Variants in CDH5 observed in about 807,000 individuals in gnomAD.
The protein encoded by CDH5 is cadherin 5.
In CDH5, 28 loss-of-function variants were observed where a neutral mutation model predicts 62.0. The ratio of observed to expected loss-of-function variants is 0.45; its 90% CI spans 0.33 to 0.62. The LOEUF (loss-of-function observed/expected upper bound fraction) is 0.62. CDH5 is among the 20% of genes least tolerant of loss of function. CDH5 has a pLI of 0.02. For synonymous variants in CDH5, 464 were observed against 445.8 expected, an observed-to-expected ratio of 1.04 and a Z score of -0.52; for missense variants, 940 against 1,065.1, an observed-to-expected ratio of 0.88 and a Z score of 1.63.
chr16:66,392,286 C>T lies in CDH5; in HGVS notation c.1120C>T (p.Gln374Ter), dbSNP rs1006747876. The T allele has an allele frequency of 6.2e-6, 10 of 1,614,084 alleles. No homozygotes were observed. Among genetic ancestry groups the T allele is most frequent in the Non-Finnish European group, 8.5e-6 (10 of 1,180,040 alleles). Residue 374 changes from glutamine (Q) to a stop codon, truncating the protein, a stop_gained, in exon 7 of 12, where the codon CAG (glutamine) becomes TAG (stop). Transcript: ENST00000341529. LOFTEE classifies it high-confidence loss of function. ...TGTGGACGAGCCCCCCATTTTCCAGCAGCCTTTCTACCACTTCCAGCTGAA... is the reference window on the plus strand; with the variant it reads ...TGTGGACGAGCCCCCCATTTTCCAGTAGCCTTTCTACCACTTCCAGCTGAA... The part of the protein sequence containing the change: ...TDVDEPPIFQ[Q>*]PFYHFQLKEN...
At chr16:66,385,248 A>T (rs561991455) in intron 2 of CDH5, among the ~76,000 whole-genome samples, 5 of 152,262 alleles carry the variant, frequency 3.3e-5, no homozygotes, top group African/African-American at 1.2e-4. Flanking sequence ...TTAAATGGAG[A>T]TCCTCTAACC....
intron 1 of CDH5, among the ~76,000 whole-genome samples, chr16:66,376,860 G>T (rs1467694259): frequency 6.6e-6 from 1 of 152,104 alleles, no homozygotes; most frequent in Admixed American, 6.5e-5. Context: ...ACTCCCCAAG[G>T]GAGTGTGTCT....
At chr16:66,396,636 C>G (rs1253518338) in intron 8 of CDH5, among the ~76,000 whole-genome samples, 1 of 152,178 alleles carries the variant, frequency 6.6e-6, no homozygotes, top group Non-Finnish European at 1.5e-5. Flanking sequence ...AATGTTCCTT[C>G]AGAGGGTGTT....
chr16:66,392,042 T>A, intron 6 of CDH5, 94 bp from the exon 7 acceptor site: 2 of 1,487,218 alleles, frequency 1.3e-6, no homozygotes, highest in Middle Eastern at 3.5e-4. Context: ...ATGGGTGTCA[T>A]CCTGGTACTA....
chr16:66,383,095 C>T (rs1047571237), intron 2 of CDH5, among the ~76,000 whole-genome samples: 14 of 152,060 alleles, frequency 9.2e-5, no homozygotes, highest in Admixed American at 7.9e-4. Context: ...TCAAACCTGT[C>T]GAGGTCATCA....
At position 66,404,297 on chromosome 16, in the gene CDH5, C is replaced by T. The variant is rs1015602809; in HGVS notation, c.*1128C>T. Reference sequence around the variant, plus strand: ...CACCTTGCAGAAGGCAAGGCCCTGCCCTGCCCAACCTCTGTGGTCACCCAT... The same window carrying T: ...CACCTTGCAGAAGGCAAGGCCCTGCTCTGCCCAACCTCTGTGGTCACCCAT... On this transcript the variant is annotated 3_prime_UTR_variant, in exon 12 of 12. Coordinates refer to ENST00000341529, the MANE Select transcript of CDH5 (RefSeq NM_001795.5). 1.3e-5 allele frequency: 2 copies of T among 152,722 alleles called. No individual in the cohort carries two copies. The highest frequency in any genetic ancestry group is 2.9e-5 in the Non-Finnish European group (2 of 68,088). 9.5% of individuals were successfully genotyped at this position (152,722 alleles called of 1,614,324 possible). A position where few individuals can be genotyped will look rare whatever the true frequency, so the allele number is the denominator to read the frequency against.
chr16:66,371,677 A>G (rs1357407948), intron 1 of CDH5, among the ~76,000 whole-genome samples: 1 of 152,050 alleles, frequency 6.6e-6, no homozygotes, highest in Non-Finnish European at 1.5e-5. Flanking sequence ...AGCCTATTGA[A>G]AACCCCCTAT....
At chr16:66,387,176 G>C (rs1961001723) in intron 3 of CDH5, 79 bp downstream of exon 3, 3 of 1,374,200 alleles carry the variant, frequency 2.2e-6, no homozygotes, top group Non-Finnish European at 3.0e-6. Context: ...CCACTTCACT[G>C]CCTGGGGTAG....
chr16:66,395,900 G>GATCTGGTT, intron 7 of CDH5, 159 bp from the exon 8 acceptor site: 1 of 655,310 alleles, frequency 1.5e-6, no homozygotes, highest in Non-Finnish European at 2.6e-6. Flanking sequence ...CCTCTGTGTA[G>GATCTGGTT]GTCCACTCTT....
chr16:66,375,473 T>G (rs2142310141), intron 1 of CDH5, among the ~76,000 whole-genome samples: 1 of 151,990 alleles, frequency 6.6e-6, no homozygotes, highest in African/African-American at 2.4e-5. Flanking sequence ...GAGGCTGCAG[T>G]GAGCCGCATT....
intron 2 of CDH5, among the ~76,000 whole-genome samples, chr16:66,379,752 T>C (rs1596931193): frequency 6.6e-6 from 1 of 151,946 alleles, no homozygotes; most frequent in Non-Finnish European, 1.5e-5. Flanking sequence ...ATGGTGGTGG[T>C]AGTGATAGTG....
At position 66,402,989 on chromosome 16, in the gene CDH5, C is replaced by T. The variant is rs1221170050; in HGVS notation, c.2175C>T (p.Tyr725=). Residue 725 remains tyrosine (Y), a synonymous_variant, in exon 12 of 12, where the codon TAC becomes TAT. Coordinates refer to ENST00000341529, the MANE Select transcript of CDH5 (RefSeq NM_001795.5). ...EADHDGDGPP[Y]DTLHIYGYEG... ...ACCACGACGGCGACGGCCCCCCCTACGACACGCTGCACATCTACGGCTACG... is the reference window on the plus strand; with the variant it reads ...ACCACGACGGCGACGGCCCCCCCTATGACACGCTGCACATCTACGGCTACG... 1 of 1,613,254 alleles carries T rather than the reference C, an allele frequency of 6.2e-7. No individual in the cohort carries two copies. The highest frequency in any genetic ancestry group is 8.5e-7 in the Non-Finnish European group (1 of 1,179,862).
chr16:66,387,105 G>C lies in CDH5; in HGVS notation c.499+8G>C, dbSNP rs769278222. The stretch of plus-strand genomic sequence containing the variant: ...CTGAGTCGTCGGCTGTGGGTACGTT[G>C]CATGCCCACTCTGTCCTCCTCCCTC... On this transcript the variant is annotated splice_region_variant and intron_variant, in intron 3 of 11. Coordinates refer to ENST00000341529, the MANE Select transcript of CDH5 (RefSeq NM_001795.5). 1.2e-6 allele frequency: 2 copies of C among 1,605,222 alleles called. No individual in the cohort carries two copies. Among genetic ancestry groups the C allele is most frequent in the African/African-American group, 2.7e-5 (2 of 74,808 alleles).
chr16:66,400,732 A>T (rs1208948928), intron 10 of CDH5, 39 bp from the exon 11 acceptor site: 19 of 1,613,688 alleles, frequency 1.2e-5, no homozygotes, highest in Non-Finnish European at 1.5e-5. Context: ...CCATCTGTGC[A>T]GATGGCAAAG....
chr16:66,396,282 G>A, intron 8 of CDH5, 81 bp downstream of exon 8: 1 of 1,571,192 alleles, frequency 6.4e-7, no homozygotes, highest in Non-Finnish European at 8.7e-7. Flanking sequence ...TCAATAATTT[G>A]GGGTCTCTAG....
At chr16:66,396,232 ATTCTT>A (rs1241415552) in intron 8 of CDH5, 31 bp downstream of exon 8, 1 of 1,612,920 alleles carries the variant, frequency 6.2e-7, no homozygotes, top group Admixed American at 1.7e-5. Context: ...GGGCACCTGG[ATTCTT>A]TTCCTTTTCC....
intron 7 of CDH5, among the ~76,000 whole-genome samples, chr16:66,395,016 A>ATTTTTTTTTTTTT (rs1567467147): frequency 5.0e-5 from 1 of 19,950 alleles, no homozygotes; most frequent in Non-Finnish European, 1.0e-4. Flanking sequence ...CACCAGGCTA[A>ATTTTTTTTTTTTT]TCTTTTTTTT....
Position 66,387,016 on chromosome 16 carries a change from A to ATC in CDH5, c.418_419insTC (p.Lys140IlefsTer6). On this transcript the variant is annotated frameshift_variant, in exon 3 of 12. Transcript: ENST00000341529. LOFTEE classifies it high-confidence loss of function. The stretch of plus-strand genomic sequence containing the variant: ...GGAGACTCCTTCCAGCTTCACCATC[A>ATC]AAGTTCATGACGTGAACGACAACTG... 2 of 1,614,162 alleles carry ATC rather than the reference A, an allele frequency of 1.2e-6. No individual in the cohort carries two copies. Among genetic ancestry groups the ATC allele is most frequent in the Non-Finnish European group, 1.7e-6 (2 of 1,180,032 alleles).
chr16:66,390,328 A>C, intron 5 of CDH5, 75 bp from the exon 6 acceptor site: 1 of 1,103,584 alleles, frequency 9.1e-7, no homozygotes, highest in Non-Finnish European at 1.3e-6. Flanking sequence ...AAAATATGTT[A>C]GAATAGCTGA....
Sources: gnomAD v4.1 joint callset for allele counts (sites outside exome capture counted in the v4.1 genomes callset) on GRCh38, gnomAD v4.1.1 for gene constraint, MANE v1.5 for transcripts, NCBI Gene and HGNC (gene_info 2026-07-23, HGNC 2026-07-21) for gene names.